Variants in TM4SF4 observed in about 807,000 individuals in gnomAD.
The protein encoded by TM4SF4 is transmembrane 4 L6 family member 4.
Under a neutral mutation model 24.1 loss-of-function variants are expected in TM4SF4, and 24 were observed. The ratio of observed to expected loss-of-function variants is 1.00; its 90% CI spans 0.72 to 1.40. The LOEUF is 1.40. TM4SF4 is among the 40% of genes most tolerant of loss of function. The probability of loss-of-function intolerance (pLI) is 0.00; values close to 1 mark genes in which losing one functional copy is unlikely to be tolerated. For missense variants in TM4SF4, 254 were observed against 254.2 expected, an observed-to-expected ratio of 1.00 and a Z score of 0.01; for synonymous variants, 113 against 97.0, an observed-to-expected ratio of 1.17 and a Z score of -0.97.
intron 4 of TM4SF4, among the ~76,000 whole-genome samples, chr3:149,499,399 T>C (rs1020892548): frequency 6.6e-6 from 1 of 152,030 alleles, no homozygotes; most frequent in East Asian, 1.9e-4. Flanking sequence ...GTAGTTCTTA[T>C]ATGGGAAGAA....
chr3:149,485,443 T>G (rs1734098903), intron 2 of TM4SF4, among the ~76,000 whole-genome samples: 1 of 152,132 alleles, frequency 6.6e-6, no homozygotes, highest in Non-Finnish European at 1.5e-5. Flanking sequence ...AGGGGAAAAA[T>G]CTAAACAATT....
chr3:149,477,770 T>C (rs185199752), intron 2 of TM4SF4, among the ~76,000 whole-genome samples: 1 of 152,344 alleles, frequency 6.6e-6, no homozygotes, highest in East Asian at 1.9e-4. Context: ...ATATTTTATG[T>C]AATTATAAAG....
chr3:149,501,339 C>T (rs1734420572), intron 4 of TM4SF4, among the ~76,000 whole-genome samples: 1 of 152,038 alleles, frequency 6.6e-6, no homozygotes, highest in South Asian at 2.1e-4. Flanking sequence ...TTTCTTCCTC[C>T]CTCCCTTCAT....
At chr3:149,492,099 C>T (rs1436657311) in intron 3 of TM4SF4, among the ~76,000 whole-genome samples, 2 of 152,114 alleles carry the variant, frequency 1.3e-5, no homozygotes, top group African/African-American at 4.8e-5. Context: ...GAGATAAAAG[C>T]TGGCATCATA....
intron 3 of TM4SF4, among the ~76,000 whole-genome samples, chr3:149,492,122 T>C (rs971867247): frequency 2.6e-5 from 4 of 152,134 alleles, no homozygotes; most frequent in Non-Finnish European, 5.9e-5. Flanking sequence ...CCAGATAAGA[T>C]GATGAACATC....
chr3:149,479,109 A>G (rs1733986358), intron 2 of TM4SF4, among the ~76,000 whole-genome samples: 1 of 152,122 alleles, frequency 6.6e-6, no homozygotes, highest in African/African-American at 2.4e-5. Flanking sequence ...TTAAAAATTC[A>G]GAGAGAGAAC....
At chr3:149,500,947 C>T (rs1734408481) in intron 4 of TM4SF4, among the ~76,000 whole-genome samples, 1 of 150,990 alleles carries the variant, frequency 6.6e-6, no homozygotes. Context: ...ATCAGCTGAG[C>T]CCACGATGCT....
At chr3:149,490,676 C>T (rs994780213) in intron 3 of TM4SF4, among the ~76,000 whole-genome samples, 7 of 152,196 alleles carry the variant, frequency 4.6e-5, no homozygotes, top group African/African-American at 1.7e-4. Flanking sequence ...TTTTACTATA[C>T]AGTACTATAC....
chr3:149,488,577 T>C lies in TM4SF4; in HGVS notation c.401+822T>C, dbSNP rs1002496495. 4.6e-5 allele frequency among the ~76,000 whole-genome samples: 7 copies of C among 152,310 alleles called. No homozygotes were observed. The East Asian group carries it at 7.7e-4, about 17-fold the overall frequency. Reference sequence around the variant, plus strand: ...AGCTATTTAAACTCAAATTCATTTATAGAAATAAAGTTAAAAATTCAGTTC... The same window carrying C: ...AGCTATTTAAACTCAAATTCATTTACAGAAATAAAGTTAAAAATTCAGTTC... On this transcript the variant is annotated intron_variant, in intron 3 of 4. Transcript: ENST00000305354.
Position 149,475,168 on chromosome 3 carries a change from T to C in TM4SF4, c.174+117T>C, listed in dbSNP as rs1041880472. Reference sequence around the variant, plus strand: ...TAGTTGGTAATAGAAGCTCAAGCATTGCATGGTGAGAGGTCAATGCCTTAA... The same window carrying C: ...TAGTTGGTAATAGAAGCTCAAGCATCGCATGGTGAGAGGTCAATGCCTTAA... On this transcript the variant is annotated intron_variant, in intron 1 of 4. Coordinates refer to ENST00000305354, the MANE Select transcript of TM4SF4 (RefSeq NM_004617.4). 4.3e-5 allele frequency: 50 copies of C among 1,164,108 alleles called. No homozygotes were observed. The South Asian group carries it at 7.4e-4, about 17-fold the overall frequency. 72.1% of individuals were successfully genotyped at this position (1,164,108 alleles called of 1,614,324 possible).
intron 4 of TM4SF4, among the ~76,000 whole-genome samples, chr3:149,501,801 A>C (rs1291274203): frequency 6.6e-6 from 1 of 152,228 alleles, no homozygotes; most frequent in African/African-American, 2.4e-5. Flanking sequence ...ATCAACATCT[A>C]TCCATTCAGG....
intron 3 of TM4SF4, among the ~76,000 whole-genome samples, chr3:149,494,075 C>T (rs910706958): frequency 7.2e-5 from 11 of 152,212 alleles, no homozygotes; most frequent in Non-Finnish European, 1.2e-4. Flanking sequence ...ACTGCTTCTG[C>T]TCTCCTTGCT....
chr3:149,486,750 G>A (rs746806893), intron 2 of TM4SF4, among the ~76,000 whole-genome samples: 1 of 152,208 alleles, frequency 6.6e-6, no homozygotes. Context: ...GGTGGAAGGG[G>A]TGAGAGATGT....
At chr3:149,475,746 C>T (rs747330325) in intron 1 of TM4SF4, 77 bp from the exon 2 acceptor site, 21 of 1,243,862 alleles carry the variant, frequency 1.7e-5, no homozygotes, top group Non-Finnish European at 2.4e-5. Flanking sequence ...GTGGATGGGG[C>T]TCCTTATACA....
At chr3:149,493,177 G>A (rs1734244761) in intron 3 of TM4SF4, among the ~76,000 whole-genome samples, 3 of 152,168 alleles carry the variant, frequency 2.0e-5, no homozygotes, top group Middle Eastern at 3.4e-3. Context: ...TTATTTTTAT[G>A]CATTAAAACT....
intron 3 of TM4SF4, among the ~76,000 whole-genome samples, chr3:149,497,119 T>A (rs1370685485): frequency 6.6e-6 from 1 of 152,206 alleles, no homozygotes; most frequent in Admixed American, 6.5e-5. Context: ...TACATCTGAA[T>A]CCAAAATACC....
chr3:149,493,246 A>G (rs1299902349), intron 3 of TM4SF4, among the ~76,000 whole-genome samples: 1 of 152,234 alleles, frequency 6.6e-6, no homozygotes, highest in Non-Finnish European at 1.5e-5. Context: ...GGCATAAATA[A>G]GGCTCAAAAA....
intron 3 of TM4SF4, among the ~76,000 whole-genome samples, chr3:149,496,324 C>T (rs892374658): frequency 6.6e-5 from 10 of 152,114 alleles, no homozygotes; most frequent in Middle Eastern, 3.2e-3. Context: ...ATTCTCCCAC[C>T]TCAGCCTCCC....
chr3:149,497,793 C>T (rs531754712), intron 3 of TM4SF4, among the ~76,000 whole-genome samples: 1 of 152,178 alleles, frequency 6.6e-6, no homozygotes, highest in Non-Finnish European at 1.5e-5. Context: ...TACAGGTGCC[C>T]ACCAGCATGC....
Sources: allele counts gnomAD v4.1 joint callset (sites outside exome capture counted in the v4.1 genomes callset), GRCh38; gene constraint gnomAD v4.1.1; transcripts MANE v1.5; gene names NCBI Gene and HGNC (gene_info 2026-07-23, HGNC 2026-07-21).